The following SEPSECS variants were observed in gnomAD, a reference collection of about 807,000 sequenced individuals.
SEPSECS encodes Sep (O-phosphoserine) tRNA:Sec (selenocysteine) tRNA synthase, also known as O-phosphoseryl-tRNA(Sec) selenium transferase.
In SEPSECS, 42 loss-of-function variants were observed where a neutral mutation model predicts 52.1. The ratio of observed to expected loss-of-function variants is 0.81; its 90% CI spans 0.63 to 1.04. The LOEUF is 1.04. Among genes scored for constraint, SEPSECS ranks in the 50% least tolerant of loss-of-function variants. The pLI is 0.00. For missense variants in SEPSECS, 590 were observed against 610.6 expected, an observed-to-expected ratio of 0.97 and a Z score of 0.36; for synonymous variants, 216 against 211.4, an observed-to-expected ratio of 1.02 and a Z score of -0.19.
At chr4:25,133,968 A>T (rs1184007298) in intron 8 of SEPSECS, among the ~76,000 whole-genome samples, 1 of 150,976 alleles carries the variant, frequency 6.6e-6, no homozygotes, top group African/African-American at 2.4e-5. Flanking sequence ...AAAAAAAAAT[A>T]AAAATTTAGA....
intron 6 of SEPSECS, among the ~76,000 whole-genome samples, chr4:25,147,424 T>C (rs1212793728): frequency 1.3e-5 from 2 of 152,226 alleles, no homozygotes; most frequent in Non-Finnish European, 2.9e-5. Flanking sequence ...TTGAATGAAG[T>C]GACAATTGGG....
At chr4:25,140,919 A>G (rs1390957951) in intron 8 of SEPSECS, among the ~76,000 whole-genome samples, 3 of 6,768 alleles carry the variant, frequency 4.4e-4, no homozygotes, top group African/African-American at 1.4e-3. Flanking sequence ...AAAATATTTG[A>G]AAAAAAAAAA....
chr4:25,158,593 T>A (rs1253015023), intron 2 of SEPSECS, among the ~76,000 whole-genome samples: 1 of 151,566 alleles, frequency 6.6e-6, no homozygotes, highest in African/African-American at 2.4e-5. Context: ...AAAAAAACAC[T>A]ACAAATGTTA....
At chr4:25,124,704 TAA>T (rs1728291230) in intron 10 of SEPSECS, among the ~76,000 whole-genome samples, 1 of 152,112 alleles carries the variant, frequency 6.6e-6, no homozygotes, top group Non-Finnish European at 1.5e-5. Flanking sequence ...ATCAACAAAC[TAA>T]AAGTCTAACT....
chr4:25,127,947 C>T (rs576302275), intron 8 of SEPSECS, among the ~76,000 whole-genome samples: 20 of 152,298 alleles, frequency 1.3e-4, no homozygotes, highest in African/African-American at 4.6e-4. Context: ...AGTGTTCAAA[C>T]CTTTGTGCTT....
intron 8 of SEPSECS, among the ~76,000 whole-genome samples, chr4:25,138,852 ATCT>A (rs1185891977): frequency 6.6e-6 from 1 of 152,224 alleles, no homozygotes; most frequent in Non-Finnish European, 1.5e-5. Context: ...CCTCCTTCTG[ATCT>A]AATGAATCTG....
chr4:25,144,982 GA>G (rs1315397320), intron 7 of SEPSECS, 21 bp downstream of exon 7: 1 of 1,613,568 alleles, frequency 6.2e-7, no homozygotes, highest in Middle Eastern at 1.7e-4. Context: ...TACTTTTTCT[GA>G]AAAGCAACTT....
chr4:25,145,979 AT>A (rs2109023099), intron 6 of SEPSECS, among the ~76,000 whole-genome samples: 1 of 152,328 alleles, frequency 6.6e-6, no homozygotes, highest in African/African-American at 2.4e-5. Flanking sequence ...TCCACTGCAA[AT>A]GAACTTCCAG....
At chr4:25,140,528 T>C (rs965472265) in intron 8 of SEPSECS, among the ~76,000 whole-genome samples, 3 of 152,208 alleles carry the variant, frequency 2.0e-5, no homozygotes, top group Non-Finnish European at 4.4e-5. Context: ...ACCTCATACA[T>C]GTTACTTCTC....
chr4:25,160,127 A>C (rs1335986976), intron 1 of SEPSECS, 129 bp downstream of exon 1: 4 of 1,480,924 alleles, frequency 2.7e-6, no homozygotes, highest in Non-Finnish European at 3.6e-6. Context: ...GGGCAAGCCA[A>C]GCTGAGACAG....
chr4:25,138,221 A>G (rs1329669983), intron 8 of SEPSECS, among the ~76,000 whole-genome samples: 1 of 152,194 alleles, frequency 6.6e-6, no homozygotes, highest in Admixed American at 6.5e-5. Context: ...AACCTAAAAT[A>G]ATATTTTTTT....
intron 6 of SEPSECS, among the ~76,000 whole-genome samples, chr4:25,146,840 C>T (rs73806632): frequency 0.019 from 2,851 of 152,292 alleles, 81 homozygotes; most frequent in African/African-American, 0.065. Context: ...ACAACTACCA[C>T]CCTGGCCAAA....
intron 6 of SEPSECS, among the ~76,000 whole-genome samples, chr4:25,145,958 T>C (rs1286331538): frequency 6.6e-6 from 1 of 152,232 alleles, no homozygotes; most frequent in Non-Finnish European, 1.5e-5. Flanking sequence ...TATTATAAAC[T>C]TAGATTTCAT....
Position 25,144,771 on chromosome 4 carries a change from T to C in SEPSECS, c.1026+3A>G, listed in dbSNP as rs765552074. ...TTATTCGACACCTAAAGGGAAAGCTTACCTTTCTTTCTTTTAGTAGCTTCT... is the reference window on the plus strand; with the variant it reads ...TTATTCGACACCTAAAGGGAAAGCTCACCTTTCTTTCTTTTAGTAGCTTCT... On this transcript the variant is annotated splice_donor_region_variant and intron_variant, in intron 8 of 10. Coordinates refer to ENST00000382103, the MANE Select transcript of SEPSECS (RefSeq NM_016955.4). The C allele has an allele frequency of 2.5e-6, 4 of 1,592,992 alleles. No individual in the cohort carries two copies. The highest frequency in any genetic ancestry group is 3.4e-6 in the Non-Finnish European group (4 of 1,161,292).
At position 25,144,765 on chromosome 4, in the gene SEPSECS, A is replaced by T; in HGVS notation, c.1026+9T>A. 2 of 1,584,058 alleles carry T rather than the reference A, an allele frequency of 1.3e-6. No individual in the cohort carries two copies. The highest frequency in any genetic ancestry group is 1.7e-6 in the Non-Finnish European group (2 of 1,153,208). ...AGAATGTTATTCGACACCTAAAGGG[A>T]AAGCTTACCTTTCTTTCTTTTAGTA... On this transcript the variant is annotated intron_variant, in intron 8 of 10. Transcript: ENST00000382103.
At chr4:25,158,738 C>T (rs1712846697) in intron 2 of SEPSECS, among the ~76,000 whole-genome samples, 1 of 152,172 alleles carries the variant, frequency 6.6e-6, no homozygotes, top group Non-Finnish European at 1.5e-5. Flanking sequence ...AGGGTAACCC[C>T]CACTTAGTTT....
At chr4:25,131,735 C>T (rs1728615817) in intron 8 of SEPSECS, among the ~76,000 whole-genome samples, 1 of 152,136 alleles carries the variant, frequency 6.6e-6, no homozygotes, top group South Asian at 2.1e-4. Flanking sequence ...TAGTTTGTCC[C>T]CCAGTTCTTA....
rs761089080 is a variant in SEPSECS at position 25,122,982 on chromosome 4, C to T, written c.*949G>A. 6.6e-6 allele frequency: 1 copy of T among 152,088 alleles called. No individual in the cohort carries two copies. Among genetic ancestry groups the T allele is most frequent in the Non-Finnish European group, 1.5e-5 (1 of 68,002 alleles). 9.4% of individuals were successfully genotyped at this position (152,088 alleles called of 1,614,324 possible). A position where few individuals can be genotyped will look rare whatever the true frequency, so the allele number is the denominator to read the frequency against. On this transcript the variant is annotated 3_prime_UTR_variant, in exon 11 of 11. Coordinates refer to ENST00000382103, the MANE Select transcript of SEPSECS (RefSeq NM_016955.4). ...ATCTGAACAAACTAACCAATATATG[C>T]AGGCTGCTTAAAGCAAAAACAGTAA... is the stretch of plus-strand genomic sequence containing the variant.
At chr4:25,155,973 T>C in intron 4 of SEPSECS, 64 bp downstream of exon 4, 1 of 1,447,786 alleles carries the variant, frequency 6.9e-7, no homozygotes, top group Non-Finnish European at 9.7e-7. Flanking sequence ...TATCTATCTT[T>C]ATATAAGAAA....
Sources: allele counts gnomAD v4.1 joint callset (sites outside exome capture counted in the v4.1 genomes callset), GRCh38; gene constraint gnomAD v4.1.1; transcripts MANE v1.5; gene names NCBI Gene and HGNC (gene_info 2026-07-23, HGNC 2026-07-21).